KIAA1958: variants seen among roughly 807,000 people sequenced by gnomAD.
KIAA1958 encodes the protein KIAA1958.
Under a neutral mutation model 47.2 loss-of-function variants are expected in KIAA1958, and 14 were observed. That is an observed-to-expected ratio of 0.30 (90% CI 0.20 to 0.46). The LOEUF (loss-of-function observed/expected upper bound fraction) is 0.46. Among genes scored for constraint, KIAA1958 ranks in the 20% least tolerant of loss-of-function variants. KIAA1958 has a pLI of 1.00. For missense variants in KIAA1958, 803 were observed against 909.2 expected, an observed-to-expected ratio of 0.88 and a Z score of 1.50; for synonymous variants, 354 against 353.3, an observed-to-expected ratio of 1.00 and a Z score of -0.02.
At chr9:112,549,457 T>C (rs4979133) in intron 1 of KIAA1958, among the ~76,000 whole-genome samples, 145,412 of 152,334 alleles carry the variant, frequency 0.95, 69,474 homozygotes, top group African/African-American at 0.99. Context: ...CACTTTCTTG[T>C]CTTCACTCAT....
At chr9:112,594,196 A>T (rs1375384019) in intron 2 of KIAA1958, among the ~76,000 whole-genome samples, 3 of 152,208 alleles carry the variant, frequency 2.0e-5, no homozygotes, top group African/African-American at 7.2e-5. Flanking sequence ...TATAGTTGGA[A>T]AGTTCTGGAA....
At chr9:112,557,109 C>A (rs558478374) in intron 1 of KIAA1958, among the ~76,000 whole-genome samples, 31 of 152,222 alleles carry the variant, frequency 2.0e-4, no homozygotes, top group African/African-American at 7.0e-4. Flanking sequence ...ACGGCACGTA[C>A]CACCACACAA....
rs974318532 is a variant in KIAA1958, at chr9:112,667,712, T to G, written c.*7643T>G. 3 of 152,222 alleles carry G rather than the reference T, an allele frequency of 2.0e-5. No individual in the cohort carries two copies. The highest frequency in any genetic ancestry group is 1.9e-4 in the East Asian group (1 of 5,206). The allele number at this position is 152,222 out of a possible 1,614,324, so 9.4% of individuals were successfully genotyped here. ...GGGGAAAAGTTGTGACTTTGGAATT[T>G]TATACATATTTTATATGTTAAGATA... On this transcript the variant is annotated 3_prime_UTR_variant, in exon 4 of 4. Transcript: ENST00000337530.
intron 1 of KIAA1958, among the ~76,000 whole-genome samples, chr9:112,558,648 G>C (rs10981439): frequency 6.6e-6 from 1 of 152,214 alleles, no homozygotes; most frequent in East Asian, 1.9e-4. Flanking sequence ...AATAAAAATA[G>C]GTTACTCACA....
At chr9:112,569,875 C>T (rs1442088064) in intron 1 of KIAA1958, among the ~76,000 whole-genome samples, 1 of 152,118 alleles carries the variant, frequency 6.6e-6, no homozygotes, top group Non-Finnish European at 1.5e-5. Context: ...CCACCCACTT[C>T]GGCTCCTCAA....
intron 2 of KIAA1958, among the ~76,000 whole-genome samples, chr9:112,633,751 T>C (rs1836751155): frequency 6.6e-6 from 1 of 152,180 alleles, no homozygotes; most frequent in African/African-American, 2.4e-5. Context: ...TTGCTTAACA[T>C]TATGTTTGTG....
chr9:112,494,381 C>A (rs1270930668), intron 1 of KIAA1958, among the ~76,000 whole-genome samples: 1 of 151,590 alleles, frequency 6.6e-6, no homozygotes, highest in Admixed American at 6.6e-5. Flanking sequence ...TATGTCTATA[C>A]CTTAGTATTA....
chr9:112,655,883 C>G (rs2131251337), intron 3 of KIAA1958, among the ~76,000 whole-genome samples: 1 of 152,238 alleles, frequency 6.6e-6, no homozygotes, highest in South Asian at 2.1e-4. Context: ...CCTGGTTTCT[C>G]TCCACATTAG....
chr9:112,564,927 A>G (rs1313634291), intron 1 of KIAA1958, among the ~76,000 whole-genome samples: 1 of 152,222 alleles, frequency 6.6e-6, no homozygotes, highest in African/African-American at 2.4e-5. Flanking sequence ...ATTTATTTCT[A>G]AAATGAGGAT....
rs1837372193 is a variant in KIAA1958, at chr9:112,667,921, T to C, written c.*7852T>C. The C allele has an allele frequency of 6.6e-6, 1 of 152,132 alleles. No homozygotes were observed. Among genetic ancestry groups the C allele is most frequent in the African/African-American group, 2.4e-5 (1 of 41,424 alleles). 9.4% of individuals were successfully genotyped at this position (152,132 alleles called of 1,614,324 possible). ...AGGACATTATCCACTAGAGGAAGGGTATGTATGCTTTTAAATAGATAATAT... is the reference window on the plus strand; with the variant it reads ...AGGACATTATCCACTAGAGGAAGGGCATGTATGCTTTTAAATAGATAATAT... On this transcript the variant is annotated 3_prime_UTR_variant, in exon 4 of 4. Transcript: ENST00000337530.
intron 3 of KIAA1958, among the ~76,000 whole-genome samples, chr9:112,649,526 T>C (rs543231393): frequency 2.6e-5 from 4 of 152,088 alleles, no homozygotes; most frequent in African/African-American, 9.6e-5. Flanking sequence ...CTAATGTACA[T>C]GTAATTGGAA....
intron 1 of KIAA1958, among the ~76,000 whole-genome samples, chr9:112,542,069 A>G (rs891387282): frequency 2.6e-5 from 4 of 152,208 alleles, no homozygotes; most frequent in Non-Finnish European, 4.4e-5. Context: ...TTGCAAGTAT[A>G]CTTTTGTGGA....
intron 2 of KIAA1958, among the ~76,000 whole-genome samples, chr9:112,626,611 ATTC>A (rs1287326026): frequency 1.3e-5 from 2 of 152,156 alleles, no homozygotes; most frequent in East Asian, 3.9e-4. Context: ...ATTTTCTGTA[ATTC>A]TTTTATAAAT....
At chr9:112,511,403 T>C (rs770390021) in intron 1 of KIAA1958, among the ~76,000 whole-genome samples, 4 of 152,208 alleles carry the variant, frequency 2.6e-5, no homozygotes, top group Non-Finnish European at 4.4e-5. Context: ...CCGAGCTTAG[T>C]GGTCTTAAAT....
At chr9:112,524,028 C>G (rs1333771671) in intron 1 of KIAA1958, among the ~76,000 whole-genome samples, 1 of 152,182 alleles carries the variant, frequency 6.6e-6, no homozygotes, top group Admixed American at 6.5e-5. Flanking sequence ...CATCCTATTT[C>G]CTTTTGATTT....
At chr9:112,587,402 G>GA (rs1835845656) in intron 2 of KIAA1958, among the ~76,000 whole-genome samples, 1 of 152,084 alleles carries the variant, frequency 6.6e-6, no homozygotes, top group Admixed American at 6.6e-5. Context: ...CACCCGCTTT[G>GA]GCCCCCCAAA....
intron 1 of KIAA1958, among the ~76,000 whole-genome samples, chr9:112,570,620 G>A (rs570553652): frequency 6.6e-6 from 1 of 152,316 alleles, no homozygotes; most frequent in East Asian, 1.9e-4. Context: ...ACATTTCGTA[G>A]TCTCTTCTGT....
chr9:112,506,644 T>G (rs1446525934), intron 1 of KIAA1958, among the ~76,000 whole-genome samples: 1 of 152,148 alleles, frequency 6.6e-6, no homozygotes, highest in African/African-American at 2.4e-5. Context: ...CTTTTTGCAG[T>G]GCTGATATTA....
chr9:112,571,398 G>A (rs934368391), intron 1 of KIAA1958, among the ~76,000 whole-genome samples: 1 of 152,078 alleles, frequency 6.6e-6, no homozygotes, highest in Non-Finnish European at 1.5e-5. Context: ...TGATCTTTCG[G>A]GATTTCAACA....
Sources: gnomAD v4.1 joint callset for allele counts (sites outside exome capture counted in the v4.1 genomes callset) on GRCh38, gnomAD v4.1.1 for gene constraint, MANE v1.5 for transcripts, NCBI Gene and HGNC (gene_info 2026-07-23, HGNC 2026-07-21) for gene names.